The following PYCR2 variants were observed in gnomAD, a reference collection of about 807,000 sequenced individuals.
PYCR2 encodes the protein P5C reductase 2.
PYCR2 carries 17 observed loss-of-function variants against 23.4 expected under a neutral mutation model. The ratio of observed to expected loss-of-function variants is 0.73; its 90% confidence interval spans 0.50 to 1.09. The LOEUF (loss-of-function observed/expected upper bound fraction) is 1.09, where lower values mean the gene tolerates loss of function less well. PYCR2 is among the 50% of genes least tolerant of loss of function. The probability of loss-of-function intolerance (pLI) is 0.00; values close to 1 mark genes in which losing one functional copy is unlikely to be tolerated. For missense variants in PYCR2, 380 were observed against 423.5 expected, an observed-to-expected ratio of 0.90 and a Z score of 0.90; for synonymous variants, 172 against 176.6, an observed-to-expected ratio of 0.97 and a Z score of 0.21.
intron 2 of PYCR2, chr1:225,923,119 A>T: frequency 1.9e-5 from 15 of 807,640 alleles, no homozygotes; most frequent in Non-Finnish European, 2.1e-5. Context: ...CTCGTCTATT[A>T]AGAAAAATGG....
At chr1:225,924,020 C>T in intron 1 of PYCR2, 24 bp downstream of exon 1, 1 of 1,535,248 alleles carries the variant, frequency 6.5e-7, no homozygotes, top group Non-Finnish European at 8.7e-7. Flanking sequence ...CCCGCGAAGC[C>T]GCCTCCCGCC....
intron 2 of PYCR2, 145 bp from the exon 3 acceptor site, chr1:225,922,528 A>AC (rs1671871490): frequency 1.3e-6 from 1 of 748,388 alleles, no homozygotes; most frequent in Non-Finnish European, 2.1e-6. Context: ...TTCTACCCCT[A>AC]CCCCAAATAA....
At chr1:225,923,837 C>T in intron 1 of PYCR2, 66 bp from the exon 2 acceptor site, 2 of 1,606,748 alleles carry the variant, frequency 1.2e-6, no homozygotes, top group Admixed American at 1.7e-5. Context: ...TTCCCTGGCT[C>T]TAAAACCCAG....
At chr1:225,922,531 C>G (rs904149123) in intron 2 of PYCR2, 148 bp from the exon 3 acceptor site, 2 of 727,120 alleles carry the variant, frequency 2.8e-6, no homozygotes, top group Non-Finnish European at 4.4e-6. Flanking sequence ...TACCCCTACC[C>G]CAAATAATAC....
chr1:225,923,658 C>T, intron 2 of PYCR2, 43 bp downstream of exon 2: 2 of 1,613,068 alleles, frequency 1.2e-6, no homozygotes, highest in Non-Finnish European at 1.7e-6. Flanking sequence ...TCATCCTTTT[C>T]CTGGGCCTCC....
At position 225,921,109 on chromosome 1, in the gene PYCR2, G is replaced by A; in HGVS notation, c.797+99C>T. 1 of 1,258,418 alleles carries A rather than the reference G, an allele frequency of 7.9e-7. No individual in the cohort carries two copies. The highest frequency in any genetic ancestry group is 1.1e-6 in the Non-Finnish European group (1 of 898,600). 78.0% of individuals were successfully genotyped at this position (1,258,418 alleles called of 1,614,324 possible). A position where few individuals can be genotyped will look rare whatever the true frequency, so the allele number is the denominator to read the frequency against. On this transcript the variant is annotated intron_variant, in intron 6 of 6. Coordinates refer to ENST00000343818, the MANE Select transcript of PYCR2 (RefSeq NM_013328.4). This position sits in a 1 kb window ranked among gnomAD's most constrained non-coding sequence, Gnocchi z 4.2. Reference sequence around the variant, plus strand: ...AGCACAGACTCCAACACTGCTAAATGGGACCCAAGACAGCAGGTTCCGCAA... The same window carrying A: ...AGCACAGACTCCAACACTGCTAAATAGGACCCAAGACAGCAGGTTCCGCAA...
intron 2 of PYCR2, 92 bp from the exon 3 acceptor site, chr1:225,922,475 C>G (rs927376201): frequency 5.9e-6 from 8 of 1,349,308 alleles, no homozygotes; most frequent in African/African-American, 2.9e-5. Context: ...CAAACCGATT[C>G]TGCCAGATGC....
Position 225,921,829 on chromosome 1 carries a change from A to G in PYCR2, c.540+29T>C. 1 of 1,612,372 alleles carries G rather than the reference A, an allele frequency of 6.2e-7. No homozygotes were observed. The highest frequency in any genetic ancestry group is 1.1e-5 in the South Asian group (1 of 90,898). On this transcript the variant is annotated intron_variant, in intron 4 of 6. Coordinates refer to ENST00000343818, the MANE Select transcript of PYCR2 (RefSeq NM_013328.4). The surrounding 1 kb of genome is among the most constrained non-coding windows in gnomAD (Gnocchi z 4.2). The stretch of plus-strand genomic sequence containing the variant: ...CCCATCTTGCTGCCTGGGTTCCTAG[A>G]AGGCTGAGCGAGCAAATGAGGGCCT...
chr1:225,923,934 C>G, intron 1 of PYCR2, 110 bp downstream of exon 1: 1 of 1,484,364 alleles, frequency 6.7e-7, no homozygotes, highest in Non-Finnish European at 9.1e-7. Context: ...AGAGTCTCAT[C>G]TACCCCACCG....
Position 225,924,131 on chromosome 1 carries a change from T to C in PYCR2, c.-21A>G. On this transcript the variant is annotated 5_prime_UTR_variant, in exon 1 of 7. Transcript: ENST00000343818. ...CTCATGGTCCGCGGTTCACGCCTCC[T>C]GGGAGCCGCACGAACCCCCTCAGCG... The C allele has an allele frequency of 6.5e-7, 1 of 1,536,702 alleles. No individual in the cohort carries two copies. Among genetic ancestry groups the C allele is most frequent in the South Asian group, 1.2e-5 (1 of 83,898 alleles).
chr1:225,923,402 T>A lies in PYCR2; in HGVS notation c.138+299A>T, dbSNP rs544084907. ...GTAAGACCCTGTCTGAAAAAAAATT[T>A]AAAAAATGAGTATTTATTAGGTACC... On this transcript the variant is annotated intron_variant, in intron 2 of 6. Coordinates refer to ENST00000343818, the MANE Select transcript of PYCR2 (RefSeq NM_013328.4). 88 of 1,153,022 alleles carry A rather than the reference T, an allele frequency of 7.6e-5. 1 individual carries two copies. The South Asian group carries it at 1.4e-3, about 18-fold the overall frequency. The allele number at this position is 1,153,022 out of a possible 1,614,324, so 71.4% of individuals were successfully genotyped here.
chr1:225,921,719 G>C lies in PYCR2; in HGVS notation c.541-75C>G. 6.3e-7 allele frequency: 1 copy of C among 1,591,522 alleles called. No individual in the cohort carries two copies. Among genetic ancestry groups the C allele is most frequent in the Non-Finnish European group, 8.6e-7 (1 of 1,160,272 alleles). Reference sequence around the variant, plus strand: ...CCTTAGGTCTGCTTTCTGATGACTAGAACTAGCTCCAAGGGTCAGCATCCT... The same window carrying C: ...CCTTAGGTCTGCTTTCTGATGACTACAACTAGCTCCAAGGGTCAGCATCCT... On this transcript the variant is annotated intron_variant, in intron 4 of 6. Transcript: ENST00000343818. This position sits in a 1 kb window ranked among gnomAD's most constrained non-coding sequence, Gnocchi z 4.2.
intron 2 of PYCR2, 69 bp downstream of exon 2, chr1:225,923,632 C>G: frequency 6.2e-7 from 1 of 1,609,008 alleles, no homozygotes; most frequent in Non-Finnish European, 8.5e-7. Context: ...GCCGGCCAGA[C>G]TCACTTCATC....
rs573769416 is a variant in PYCR2, at chr1:225,921,378, G to A, written c.634-7C>T. 2.6e-6 allele frequency: 4 copies of A among 1,535,828 alleles called. No homozygotes were observed. The Admixed American group carries it at 6.7e-5, about 26-fold the overall frequency. The stretch of plus-strand genomic sequence containing the variant: ...GCAGCATCTTGGCAGCTCCCTATGG[G>A]GAAGGGCACATTAGGAGAAAGTTGC... On this transcript the variant is annotated splice_region_variant and splice_polypyrimidine_tract_variant and intron_variant, in intron 5 of 6. Coordinates refer to ENST00000343818, the MANE Select transcript of PYCR2 (RefSeq NM_013328.4). This position sits in a 1 kb window ranked among gnomAD's most constrained non-coding sequence, Gnocchi z 4.2.
At chr1:225,923,957 C>T (rs1159626992) in intron 1 of PYCR2, 87 bp downstream of exon 1, 1 of 1,503,782 alleles carries the variant, frequency 6.6e-7, no homozygotes, top group Non-Finnish European at 8.9e-7. Flanking sequence ...CGCAAACTCC[C>T]CTTTCATTCG....
chr1:225,922,096 A>G lies in PYCR2; in HGVS notation c.319-17T>C. On this transcript the variant is annotated splice_polypyrimidine_tract_variant and intron_variant, in intron 3 of 6. Coordinates refer to ENST00000343818, the MANE Select transcript of PYCR2 (RefSeq NM_013328.4). Reference sequence around the variant, plus strand: ...CATCAGCTTCTAGGGTGAGGGAGAGAGCCGAATGAGTGGCCAGGGCACGGC... The same window carrying G: ...CATCAGCTTCTAGGGTGAGGGAGAGGGCCGAATGAGTGGCCAGGGCACGGC... The G allele has an allele frequency of 6.2e-7, 1 of 1,611,204 alleles. No homozygotes were observed. Among genetic ancestry groups the G allele is most frequent in the Non-Finnish European group, 8.5e-7 (1 of 1,177,940 alleles).
chr1:225,920,448 T>C lies in PYCR2; in HGVS notation c.*7A>G, dbSNP rs1671806303. The C allele has an allele frequency of 1.4e-6, 2 of 1,427,514 alleles. No individual in the cohort carries two copies. The highest frequency in any genetic ancestry group is 1.5e-5 in the African/African-American group (1 of 68,704). 88.4% of individuals were successfully genotyped at this position (1,427,514 alleles called of 1,614,324 possible). On this transcript the variant is annotated 3_prime_UTR_variant, in exon 7 of 7. Coordinates refer to ENST00000343818, the MANE Select transcript of PYCR2 (RefSeq NM_013328.4). Reference sequence around the variant, plus strand: ...GGCTCTGAATCACAGAGGGGACAGATGCTGCCTTAGTCCTTCTTGCCTCCC... The same window carrying C: ...GGCTCTGAATCACAGAGGGGACAGACGCTGCCTTAGTCCTTCTTGCCTCCC...
In PYCR2 at chr1:225,924,134, G is replaced by A. The variant is rs757332198; in HGVS notation, c.-24C>T. ...ATGGTCCGCGGTTCACGCCTCCTGG[G>A]AGCCGCACGAACCCCCTCAGCGAGG... On this transcript the variant is annotated 5_prime_UTR_variant, in exon 1 of 7. Transcript: ENST00000343818. The A allele has an allele frequency of 3.9e-6, 6 of 1,535,374 alleles. No homozygotes were observed. The highest frequency in any genetic ancestry group is 2.5e-5 in the East Asian group (1 of 40,788).
In PYCR2 at chr1:225,923,777, G is replaced by A; in HGVS notation, c.68-6C>T. The stretch of plus-strand genomic sequence containing the variant: ...CTTGTGAGCCGACAGGATGCCTGCA[G>A]AAGACAGAGCTTTTCAACTAGGGGT... On this transcript the variant is annotated splice_polypyrimidine_tract_variant and splice_region_variant and intron_variant, in intron 1 of 6. Coordinates refer to ENST00000343818, the MANE Select transcript of PYCR2 (RefSeq NM_013328.4). 5 of 1,614,144 alleles carry A rather than the reference G, an allele frequency of 3.1e-6. No homozygotes were observed. Among genetic ancestry groups the A allele is most frequent in the Middle Eastern group, 1.6e-4 (1 of 6,062 alleles).
Sources: gnomAD v4.1 joint callset for allele counts on GRCh38, gnomAD v4.1.1 for gene constraint, Gnocchi (gnomAD v3.1) non-coding constraint, MANE v1.5 for transcripts, NCBI Gene and HGNC (gene_info 2026-07-23, HGNC 2026-07-21) for gene names.